Variants in XPC observed in about 807,000 individuals in gnomAD.
The protein encoded by XPC is DNA repair protein complementing XP-C cells.
Under a neutral mutation model 95.8 loss-of-function variants are expected in XPC, and 76 were observed. The observed-to-expected ratio is 0.79, with a 90% CI of 0.66 to 0.96. XPC has a LOEUF of 0.96. Ranked by LOEUF, XPC falls within the 40% of genes least tolerant of loss-of-function variation. XPC has a pLI of 0.00. For synonymous variants in XPC, 442 were observed against 442.1 expected (o/e 1.00, Z 0.00); for missense variants, 1,146 against 1,179.8 (o/e 0.97, Z 0.42).
chr3:14,153,304 C>T (rs1474302853), intron 10 of XPC: 2 of 152,250 alleles, frequency 1.3e-5, no homozygotes, highest in African/African-American at 2.4e-5. Context: ...TACAGACAGT[C>T]CCCAAAGTCC....
At chr3:14,170,253 C>T (rs149198768) in intron 3 of XPC, among the ~76,000 whole-genome samples, 185 bp downstream of exon 3, 30 of 152,318 alleles carry the variant, frequency 2.0e-4, no homozygotes, top group South Asian at 1.4e-3. Context: ...AAACAGCCTT[C>T]TTTGGTAACT....
At chr3:14,174,786 GAAGGA>G (rs1455864941) in intron 1 of XPC, among the ~76,000 whole-genome samples, 4 of 150,872 alleles carry the variant, frequency 2.7e-5, no homozygotes, top group Non-Finnish European at 5.9e-5. Context: ...AAACAGACTA[GAAGGA>G]AACAGACCAC....
chr3:14,161,568 G>T (rs1398910042), intron 7 of XPC, among the ~76,000 whole-genome samples: 1 of 148,444 alleles, frequency 6.7e-6, no homozygotes, highest in Non-Finnish European at 1.5e-5. Context: ...AGAAAATCCA[G>T]AGGATCATTT....
intron 11 of XPC, among the ~76,000 whole-genome samples, chr3:14,150,455 C>T (rs928231806): frequency 1.3e-5 from 2 of 152,252 alleles, no homozygotes; most frequent in Non-Finnish European, 2.9e-5. Context: ...TCTCTGGGCG[C>T]ACCCTCTCTG....
chr3:14,149,094 T>C (rs1199579262), intron 11 of XPC, 146 bp from the exon 12 acceptor site: 1 of 1,208,542 alleles, frequency 8.3e-7, no homozygotes, highest in East Asian at 2.4e-5. Flanking sequence ...TCTCCCTTTT[T>C]TTTTTTTGAG....
Position 14,158,854 on chromosome 3 carries a change from T to A in XPC, c.1029A>T (p.Pro343=), listed in dbSNP as rs375960281. 5.6e-6 allele frequency: 9 copies of A among 1,613,902 alleles called. No individual in the cohort carries two copies. The highest frequency in any genetic ancestry group is 6.8e-6 in the Non-Finnish European group (8 of 1,179,898). ...GGCTGGAAGTTTCTGAGGAGCCTCC[T>A]GGATCCGCAGTCAATCTTTCCTTGG... ...KPSKERLTAD[P]GGSSETSSQV... The change falls in exon 9 of 16, where the codon CCA becomes CCT. Residue 343 remains proline, a synonymous_variant. Coordinates refer to ENST00000285021, the MANE Select transcript of XPC (RefSeq NM_004628.5). The surrounding 1 kb of genome is among the most constrained non-coding windows in gnomAD (Gnocchi z 5.2).
chr3:14,148,947 A>G lies in XPC; in HGVS notation c.2117T>C (p.Met706Thr). The change falls in exon 12 of 16, where the codon ATG (methionine) becomes ACG (threonine). Residue 706 changes from methionine (M) to threonine (T), a missense_variant and splice_region_variant. Physicochemically the swap from Met to Thr is moderately conservative, Grantham distance 81. Transcript: ENST00000285021. ...VVRLGEVPYK[M>T]VKGFSNRARK... ...AGCACGGTTAGAAAAGCCTTTCACC[A>G]TCTGCACCAGAGGACACGGCCACCG... 1 of 1,613,992 alleles carries G rather than the reference A, an allele frequency of 6.2e-7. No homozygotes were observed. Among genetic ancestry groups the G allele is most frequent in the Non-Finnish European group, 8.5e-7 (1 of 1,179,882 alleles).
Position 14,158,395 on chromosome 3 carries a change from G to C in XPC, c.1488C>G (p.Ser496Arg), listed in dbSNP as rs531060191. The C allele has an allele frequency of 3.7e-6, 6 of 1,613,896 alleles. No homozygotes were observed. The South Asian group carries it at 6.6e-5, about 18-fold the overall frequency. Residue 496 changes from serine to arginine, a missense_variant, in exon 9 of 16, where the codon AGC becomes AGG. Coordinates refer to ENST00000285021, the MANE Select transcript of XPC (RefSeq NM_004628.5). The surrounding 1 kb of genome is among the most constrained non-coding windows in gnomAD (Gnocchi z 5.2). Reference protein sequence around the residue: ...THRGSHRKDPSLPAASSSSSS... With the variant: ...THRGSHRKDPRLPAASSSSSS... ...AAGAGCTTGAGGATGCCGCTGGCAA[G>C]CTTGGGTCCTTACGATGGCTCCCAC... is the stretch of plus-strand genomic sequence containing the variant.
rs369812952 is a variant in XPC, at chr3:14,148,901, C to T, written c.2163G>A (p.Glu721=). The part of the protein sequence containing the change: ...SNRARKARLA[E]PQLREENDLG... ...GGTCATTTTCTTCCCGCAGCTGGGG[C>T]TCAGCAAGTCGGGCTTTCCGAGCAC... is the stretch of plus-strand genomic sequence containing the variant. Residue 721 remains glutamate, a synonymous_variant, in exon 12 of 16, where the codon GAG becomes GAA. Transcript: ENST00000285021. The T allele has an allele frequency of 1.7e-5, 28 of 1,613,910 alleles. No individual in the cohort carries two copies. The African/African-American group carries it at 3.7e-4, about 22-fold the overall frequency.
intron 10 of XPC, among the ~76,000 whole-genome samples, chr3:14,155,650 C>T (rs1171331792): frequency 3.3e-5 from 5 of 152,044 alleles, no homozygotes; most frequent in Non-Finnish European, 7.4e-5. Context: ...CTCCGCCTCC[C>T]GGGTTCACGC....
chr3:14,178,309 G>A (rs1415001318), intron 1 of XPC, 157 bp downstream of exon 1: 3 of 798,112 alleles, frequency 3.8e-6, no homozygotes, highest in Admixed American at 3.6e-5. Context: ...CGGGGACAGC[G>A]GGGAGGGCCG....
chr3:14,166,470 A>C (rs1441266594), intron 5 of XPC, among the ~76,000 whole-genome samples: 4 of 152,040 alleles, frequency 2.6e-5, no homozygotes, highest in Admixed American at 2.6e-4. Context: ...CCTCTCAGGC[A>C]GCCCACCATC....
chr3:14,173,156 G>A (rs1218081798), intron 1 of XPC, 94 bp from the exon 2 acceptor site: 1 of 1,254,696 alleles, frequency 8.0e-7, no homozygotes, highest in Non-Finnish European at 1.1e-6. Flanking sequence ...TCTATGACCT[G>A]TCTCCAAACC....
intron 9 of XPC, among the ~76,000 whole-genome samples, chr3:14,157,710 T>C (rs1410958104): frequency 6.6e-6 from 1 of 152,188 alleles, no homozygotes; most frequent in Non-Finnish European, 1.5e-5. Flanking sequence ...CTGAGTTATA[T>C]TACTTGCATA....
At chr3:14,168,795 C>A (rs1696497181) in intron 3 of XPC, among the ~76,000 whole-genome samples, 1 of 151,940 alleles carries the variant, frequency 6.6e-6, no homozygotes, top group South Asian at 2.1e-4. Flanking sequence ...GCACAATTTG[C>A]TTTGTATAGA....
At position 14,164,906 on chromosome 3, in the gene XPC, T is replaced by G; in HGVS notation, c.807A>C (p.Ala269=). Residue 269 remains alanine (A), a synonymous_variant, in exon 7 of 16, where the codon GCA becomes GCC. Coordinates refer to ENST00000285021, the MANE Select transcript of XPC (RefSeq NM_004628.5). ...KWFIGTFTVN[A]ELSASEQDNL... ...TATCTTGTTCACTGGCTGAAAGTTC[T>G]GCATTAACTGTAAATGTTCCAATGA... The G allele has an allele frequency of 1.2e-6, 2 of 1,612,742 alleles. No individual in the cohort carries two copies. The highest frequency in any genetic ancestry group is 1.7e-6 in the Non-Finnish European group (2 of 1,179,338).
intron 15 of XPC, among the ~76,000 whole-genome samples, chr3:14,146,678 G>A (rs1695451376): frequency 6.6e-6 from 1 of 152,314 alleles, no homozygotes; most frequent in East Asian, 1.9e-4. Context: ...ACTGGAATGA[G>A]GAGCGTGACA....
At chr3:14,159,954 C>T (rs1393968652) in intron 7 of XPC, 124 bp from the exon 8 acceptor site, 2 of 882,734 alleles carry the variant, frequency 2.3e-6, no homozygotes, top group Non-Finnish European at 3.5e-6. Context: ...GACTGTCTAA[C>T]AGTAGGCGAC....
rs779030141 is a variant in XPC, at chr3:14,158,934, CT to C, written c.991-43del. ...AATTTTGCTTTTTTTTCTCCCCCCT[CT>C]TTTGCTAATGATATGATAGAAATCC... On this transcript the variant is annotated intron_variant, in intron 8 of 15. Transcript: ENST00000285021. The surrounding 1 kb of genome is among the most constrained non-coding windows in gnomAD (Gnocchi z 5.2). The C allele has an allele frequency of 1.6e-5, 25 of 1,610,718 alleles. No homozygotes were observed. In the East Asian group the frequency reaches 5.6e-4, roughly 36 times the overall value.
Sources: allele counts gnomAD v4.1 joint callset (sites outside exome capture counted in the v4.1 genomes callset), GRCh38; gene constraint gnomAD v4.1.1; non-coding constraint Gnocchi (gnomAD v3.1); transcripts MANE v1.5; gene names NCBI Gene and HGNC (gene_info 2026-07-23, HGNC 2026-07-21).